The following BCLAF3 variants were observed in gnomAD, a reference collection of about 807,000 sequenced individuals.
The protein encoded by BCLAF3 is transient octamer binding factor 1.
A neutral mutation model predicts 51.2 loss-of-function variants in BCLAF3; 24 were observed. The observed-to-expected ratio is 0.47, with a 90% CI of 0.34 to 0.66. The LOEUF is 0.66. BCLAF3 is among the 30% of genes least tolerant of loss of function. The pLI is 0.01. For synonymous variants in BCLAF3, 152 were observed against 176.6 expected (o/e 0.86, Z 1.10); for missense variants, 465 against 525.1 (o/e 0.89, Z 1.12).
intron 8 of BCLAF3, among the ~76,000 whole-genome samples, chrX:19,949,025 TTAAG>T (rs1467363393): frequency 9.0e-6 from 1 of 111,121 alleles, no homozygotes; most frequent in Non-Finnish European, 1.9e-5. Context: ...AGGATGAATG[TTAAG>T]TAATGTCTCA....
chrX:19,928,612 A>G (rs1265541912), intron 11 of BCLAF3, among the ~76,000 whole-genome samples: 1 of 111,690 alleles, frequency 9.0e-6, no homozygotes, highest in Non-Finnish European at 1.9e-5. Context: ...AAAATTTAAA[A>G]AAGAGTTATT....
intron 1 of BCLAF3, among the ~76,000 whole-genome samples, chrX:19,982,327 C>T (rs2072637376): frequency 9.0e-6 from 1 of 110,690 alleles, no homozygotes; most frequent in African/African-American, 3.3e-5. Context: ...ACACTCCCAT[C>T]ACAGAAACGC....
chrX:19,947,367 T>G (rs908069075), intron 8 of BCLAF3, among the ~76,000 whole-genome samples: 1 of 112,216 alleles, frequency 8.9e-6, no homozygotes, highest in Non-Finnish European at 1.9e-5. Context: ...ACAAAACAAC[T>G]CATTTACATT....
chrX:19,951,680 C>T (rs745813804), intron 7 of BCLAF3, among the ~76,000 whole-genome samples: 1 of 108,928 alleles, frequency 9.2e-6, no homozygotes, highest in African/African-American at 3.4e-5. Context: ...ATAATCCCAG[C>T]ACTTTGGGAG....
rs187939355 is a variant in BCLAF3 at position 19,951,347 on chromosome X, C to T, written c.1630-479G>A. ...GCGCAGTGGCTCATGCCTGTAATAC[C>T]AGCACTTTGGGAGGCCAAGGTGGGC... On this transcript the variant is annotated intron_variant, in intron 7 of 11. Coordinates refer to ENST00000379682, the MANE Select transcript of BCLAF3 (RefSeq NM_001367774.2). 4.7e-3 allele frequency among the ~76,000 whole-genome samples: 524 copies of T among 110,437 alleles called. 3 individuals are homozygous for T. Among genetic ancestry groups the T allele is most frequent in the African/African-American group, 0.017 (502 of 30,288 alleles).
In BCLAF3 at chrX:19,977,841, C is replaced by G. The variant is rs143027102; in HGVS notation, c.-34-7543G>C. ...TTGTTAGGGGCTAATGCAGCTATGACTTTCAGTTGAAGCCAATGTTCACTG... is the reference window on the plus strand; with the variant it reads ...TTGTTAGGGGCTAATGCAGCTATGAGTTTCAGTTGAAGCCAATGTTCACTG... On this transcript the variant is annotated intron_variant, in intron 1 of 11. Coordinates refer to ENST00000379682, the MANE Select transcript of BCLAF3 (RefSeq NM_001367774.2). 6.2e-3 allele frequency among the ~76,000 whole-genome samples: 693 copies of G among 111,598 alleles called. 8 individuals carry two copies. The highest frequency in any genetic ancestry group is 0.02 in the African/African-American group (629 of 30,724).
At chrX:19,948,738 T>C (rs1180457265) in intron 8 of BCLAF3, among the ~76,000 whole-genome samples, 1 of 106,879 alleles carries the variant, frequency 9.4e-6, no homozygotes, top group Non-Finnish European at 1.9e-5. Context: ...TGTGCCTCTG[T>C]ACTCCATCCT....
intron 1 of BCLAF3, among the ~76,000 whole-genome samples, chrX:19,979,297 C>A (rs1291804246): frequency 9.0e-6 from 1 of 110,775 alleles, no homozygotes; most frequent in East Asian, 2.8e-4. Context: ...CCCCAACCTT[C>A]AACAACCAAC....
intron 1 of BCLAF3, among the ~76,000 whole-genome samples, chrX:19,982,261 A>G (rs928653419): frequency 1.4e-4 from 15 of 110,845 alleles, no homozygotes; most frequent in Admixed American, 4.9e-4. Flanking sequence ...TGGGCAACAC[A>G]GTGAAACCCC....
intron 10 of BCLAF3, among the ~76,000 whole-genome samples, chrX:19,935,145 C>G (rs2070708942): frequency 9.3e-6 from 1 of 107,099 alleles, no homozygotes; most frequent in African/African-American, 3.4e-5. Flanking sequence ...GATGGCACCA[C>G]TGCACTCCAG....
chrX:19,929,056 A>G (rs1028277476), intron 11 of BCLAF3: 2 of 111,764 alleles, frequency 1.8e-5, no homozygotes, highest in Non-Finnish European at 3.8e-5. Context: ...AATTGCTAAC[A>G]GAGTAGATTT....
At position 19,921,793 on chromosome X, in the gene BCLAF3, A is replaced by C. The variant is rs778301322; in HGVS notation, c.2107-4459T>G. On this transcript the variant is annotated intron_variant, in intron 11 of 11. Coordinates refer to ENST00000379682, the MANE Select transcript of BCLAF3 (RefSeq NM_001367774.2). ...CAAGACAGGCAGATCACCTGAGGTCAGGAGTTCGAGACCAGCCTGGCCAAC... is the reference window on the plus strand; with the variant it reads ...CAAGACAGGCAGATCACCTGAGGTCCGGAGTTCGAGACCAGCCTGGCCAAC... Among the ~76,000 whole-genome samples the C allele has an allele frequency of 5.4e-5, 6 of 110,466 alleles. No individual in the cohort carries two copies. The South Asian group carries it at 1.9e-3, about 36-fold the overall frequency.
At chrX:19,921,111 G>C (rs961099028) in intron 11 of BCLAF3, among the ~76,000 whole-genome samples, 1 of 111,862 alleles carries the variant, frequency 8.9e-6, no homozygotes, top group Non-Finnish European at 1.9e-5. Flanking sequence ...CAGCTAGTAA[G>C]ATAGCTTAGG....
At position 19,926,198 on chromosome X, in the gene BCLAF3, T is replaced by TA. The variant is rs201189292; in HGVS notation, c.2106+3586dup. On this transcript the variant is annotated intron_variant, in intron 11 of 11. Transcript: ENST00000379682. ...ACTGCAAGAATAGTAGACACTAATT[T>TA]AAAAAAAAATCCAGTGTGTTGAGAC... 5.2e-3 allele frequency among the ~76,000 whole-genome samples: 574 copies of TA among 110,399 alleles called. 8 individuals carry two copies. The highest frequency in any genetic ancestry group is 6.7e-3 in the Non-Finnish European group (351 of 52,731).
chrX:19,961,623 T>C (rs914965759), intron 4 of BCLAF3, among the ~76,000 whole-genome samples: 1 of 112,622 alleles, frequency 8.9e-6, no homozygotes, highest in Non-Finnish European at 1.9e-5. Flanking sequence ...ATTTTAATAG[T>C]TGAAAACATA....
chrX:19,947,581 T>C (rs1020773848), intron 8 of BCLAF3, among the ~76,000 whole-genome samples: 2 of 111,523 alleles, frequency 1.8e-5, no homozygotes. Flanking sequence ...GGAGCACCTG[T>C]AGAGAACAGA....
At chrX:19,989,994 G>C (rs1433656858) in intron 1 of BCLAF3, among the ~76,000 whole-genome samples, 1 of 110,677 alleles carries the variant, frequency 9.0e-6, no homozygotes, top group Non-Finnish European at 1.9e-5. Flanking sequence ...TAAAGTCCTC[G>C]TTATGAATCT....
chrX:19,937,435 T>A lies in BCLAF3; in HGVS notation c.1843A>T (p.Ile615Phe). The A allele has an allele frequency of 9.6e-6, 11 of 1,146,507 alleles. No homozygotes were observed. Among genetic ancestry groups the A allele is most frequent in the African/African-American group, 8.8e-5 (5 of 56,506 alleles). 94.5% of individuals were successfully genotyped at this position (1,146,507 alleles called of 1,213,427 possible). A position where few individuals can be genotyped will look rare whatever the true frequency, so the allele number is the denominator to read the frequency against. Residue 615 changes from isoleucine to phenylalanine, a missense_variant, in exon 9 of 12, where the codon ATT (isoleucine) becomes TTT (phenylalanine). By Grantham distance (21) the Ile-to-Phe change is conservative (BLOSUM62 0). Coordinates refer to ENST00000379682, the MANE Select transcript of BCLAF3 (RefSeq NM_001367774.2). ...AATCTTACCATGTAAGGTTTTTCAA[T>A]ACATTTTCTAAAATTTGATTTTATA... is the stretch of plus-strand genomic sequence containing the variant. ...HFIKSNFRKC[I>F]EKPYMNYTTQ...
intron 4 of BCLAF3, among the ~76,000 whole-genome samples, chrX:19,962,734 G>C (rs2071902362): frequency 8.9e-6 from 1 of 111,809 alleles, no homozygotes; most frequent in Non-Finnish European, 1.9e-5. Context: ...GTTCACTGTA[G>C]AATTCTTTCA....
Sources: allele counts gnomAD v4.1 joint callset (sites outside exome capture counted in the v4.1 genomes callset), GRCh38; gene constraint gnomAD v4.1.1; transcripts MANE v1.5; gene names NCBI Gene and HGNC (gene_info 2026-07-23, HGNC 2026-07-21).